The following PDE4B variants were observed in gnomAD, a reference collection of about 807,000 sequenced individuals.
PDE4B encodes the protein 3',5'-cyclic-AMP phosphodiesterase 4B.
PDE4B carries 20 observed loss-of-function variants against 82.2 expected under a neutral mutation model. The observed-to-expected ratio is 0.24, with a 90% CI of 0.17 to 0.35. The LOEUF is 0.35. Ranked by LOEUF, PDE4B falls within the 10% of genes least tolerant of loss-of-function variation. The probability of loss-of-function intolerance (pLI) is 1.00; values close to 1 mark genes in which losing one functional copy is unlikely to be tolerated. For missense variants in PDE4B, 655 were observed against 907.2 expected (o/e 0.72, Z 3.57); for synonymous variants, 320 against 318.9 (o/e 1.00, Z -0.04).
chr1:65,902,378 T>G (rs1484002986), intron 1 of PDE4B, among the ~76,000 whole-genome samples: 1 of 152,174 alleles, frequency 6.6e-6, no homozygotes, highest in African/African-American at 2.4e-5. Context: ...AATTGAGCTC[T>G]TATTGGTAGC....
chr1:66,280,401 T>C (rs532766942), intron 7 of PDE4B, among the ~76,000 whole-genome samples: 1 of 152,348 alleles, frequency 6.6e-6, no homozygotes, highest in African/African-American at 2.4e-5. Context: ...AATTTGTGCC[T>C]AGTATCTGGA....
At chr1:66,185,469 T>C (rs1647169916) in intron 3 of PDE4B, among the ~76,000 whole-genome samples, 1 of 152,102 alleles carries the variant, frequency 6.6e-6, no homozygotes, top group South Asian at 2.1e-4. Context: ...AGTGTAAAAG[T>C]GTTCCTATTT....
At chr1:66,051,627 C>T (rs1409067320) in intron 3 of PDE4B, among the ~76,000 whole-genome samples, 1 of 151,996 alleles carries the variant, frequency 6.6e-6, no homozygotes, top group Non-Finnish European at 1.5e-5. Context: ...TGACAGTTTA[C>T]AAAGTGAATG....
At chr1:66,192,136 C>G (rs1218499448) in intron 3 of PDE4B, among the ~76,000 whole-genome samples, 2 of 152,054 alleles carry the variant, frequency 1.3e-5, no homozygotes, top group African/African-American at 4.8e-5. Flanking sequence ...TAAGTATTTA[C>G]TAATATATAT....
chr1:66,140,742 G>A (rs1557589691), intron 3 of PDE4B, among the ~76,000 whole-genome samples: 1 of 152,184 alleles, frequency 6.6e-6, no homozygotes, highest in Non-Finnish European at 1.5e-5. Context: ...TGATATGTGT[G>A]CCTATTAAAG....
In PDE4B at chr1:66,125,972, A is replaced by C. The variant is rs543432015; in HGVS notation, c.282-121488A>C. ...CAGGCATGCACCACCACACTAGGTT[A>C]ATTTTGTATTTTTAGTGGAGATGGG... On this transcript the variant is annotated intron_variant, in intron 3 of 16. Transcript: ENST00000341517. 1.5e-4 allele frequency among the ~76,000 whole-genome samples: 23 copies of C among 152,084 alleles called. No individual in the cohort carries two copies. In the East Asian group the frequency reaches 3.3e-3, roughly 22 times the overall value.
chr1:66,074,002 T>G (rs35514672), intron 3 of PDE4B, among the ~76,000 whole-genome samples: 12,438 of 152,110 alleles, frequency 0.082, 944 homozygotes, highest in East Asian at 0.26. Context: ...CCTTGGGAAC[T>G]TCAAGGCTGG....
intron 3 of PDE4B, among the ~76,000 whole-genome samples, chr1:66,136,688 A>C (rs1423666529): frequency 2.6e-5 from 3 of 115,076 alleles, no homozygotes; most frequent in Admixed American, 2.2e-4. Flanking sequence ...ACAGAGCAAG[A>C]CTCCCTCTCA....
intron 1 of PDE4B, among the ~76,000 whole-genome samples, chr1:65,829,991 T>A (rs185506573): frequency 4.9e-4 from 74 of 152,232 alleles, no homozygotes; most frequent in Non-Finnish European, 9.4e-4. Context: ...ACACAGTTCT[T>A]CTAAAAGGAA....
intron 4 of PDE4B, chr1:66,257,375 G>A: frequency 1.7e-6 from 1 of 582,944 alleles, no homozygotes; most frequent in South Asian, 1.7e-5. Context: ...GTTATTTAAT[G>A]GGAATATATC....
chr1:65,955,804 C>A (rs1159113410), intron 3 of PDE4B, among the ~76,000 whole-genome samples: 1 of 152,146 alleles, frequency 6.6e-6, no homozygotes, highest in East Asian at 1.9e-4. Flanking sequence ...TGTTCTCACG[C>A]TGGCCTCTGA....
At chr1:66,009,320 A>G (rs1041834521) in intron 3 of PDE4B, among the ~76,000 whole-genome samples, 8 of 152,210 alleles carry the variant, frequency 5.3e-5, no homozygotes, top group African/African-American at 1.9e-4. Flanking sequence ...TTCTGATCCA[A>G]GTAACCATTA....
chr1:66,275,552 G>A (rs1655820428), intron 7 of PDE4B, among the ~76,000 whole-genome samples: 1 of 152,208 alleles, frequency 6.6e-6, no homozygotes, highest in Non-Finnish European at 1.5e-5. Flanking sequence ...GTTGGAGTTA[G>A]CCTAGAGAAG....
chr1:65,824,206 T>C (rs34692920), intron 1 of PDE4B, among the ~76,000 whole-genome samples: 14,869 of 152,198 alleles, frequency 0.098, 831 homozygotes, highest in South Asian at 0.14. Flanking sequence ...AATAACTGAG[T>C]CTTCTCAGGC....
At chr1:66,233,621 G>A (rs1652166576) in intron 3 of PDE4B, among the ~76,000 whole-genome samples, 1 of 152,136 alleles carries the variant, frequency 6.6e-6, no homozygotes, top group African/African-American at 2.4e-5. Context: ...AAATAATTCA[G>A]TCTTTTATCT....
rs148024651 is a variant in PDE4B, at chr1:65,981,288, C to T, written c.281+62453C>T. On this transcript the variant is annotated intron_variant, in intron 3 of 16. Transcript: ENST00000341517. The stretch of plus-strand genomic sequence containing the variant: ...GCAAATGAGTGAACATGCCAAGGTA[C>T]GTTAAACTAATATACTTTCTTCCAA... 7.9e-5 allele frequency among the ~76,000 whole-genome samples: 12 copies of T among 152,192 alleles called. No homozygotes were observed. The East Asian group carries it at 1.5e-3, about 20-fold the overall frequency.
intron 7 of PDE4B, among the ~76,000 whole-genome samples, chr1:66,279,932 C>T (rs574209659): frequency 1.2e-4 from 18 of 152,076 alleles, no homozygotes; most frequent in Non-Finnish European, 2.5e-4. Flanking sequence ...CTACAAAATA[C>T]CTTTCACAGC....
At chr1:65,828,271 A>G (rs1053798411) in intron 1 of PDE4B, among the ~76,000 whole-genome samples, 3 of 152,144 alleles carry the variant, frequency 2.0e-5, no homozygotes, top group African/African-American at 7.2e-5. Context: ...TCTGAAACAG[A>G]GTCTTACTCT....
intron 3 of PDE4B, among the ~76,000 whole-genome samples, chr1:66,037,819 A>G (rs1654149172): frequency 6.6e-6 from 1 of 152,166 alleles, no homozygotes; most frequent in South Asian, 2.1e-4. Context: ...TTGGCTATGC[A>G]AGATATTTTT....
Sources: allele counts gnomAD v4.1 joint callset (sites outside exome capture counted in the v4.1 genomes callset), GRCh38; gene constraint gnomAD v4.1.1; transcripts MANE v1.5; gene names NCBI Gene and HGNC (gene_info 2026-07-23, HGNC 2026-07-21).